Variants in MYO16 observed in about 807,000 individuals in gnomAD.
The protein encoded by MYO16 is myosin XVI.
In MYO16, 94 loss-of-function variants were observed where a neutral mutation model predicts 205.3. That is an observed-to-expected ratio of 0.46 (90% CI 0.39 to 0.54). MYO16 has a LOEUF of 0.54. Among genes scored for constraint, MYO16 ranks in the 20% least tolerant of loss-of-function variants. The probability of loss-of-function intolerance (pLI) is 0.00; values close to 1 mark genes in which losing one functional copy is unlikely to be tolerated. For synonymous variants in MYO16, 988 were observed against 954.0 expected (o/e 1.04, Z -0.66); for missense variants, 2,315 against 2,387.5 (o/e 0.97, Z 0.63).
At chr13:109,187,412 T>C (rs1879731222) in intron 34 of MYO16, among the ~76,000 whole-genome samples, 1 of 152,216 alleles carries the variant, frequency 6.6e-6, no homozygotes, top group Admixed American at 6.5e-5. Flanking sequence ...TTTGCTTGCT[T>C]TGGGCTTAAT....
intron 31 of MYO16, among the ~76,000 whole-genome samples, chr13:109,130,830 C>A (rs1876498920): frequency 6.6e-6 from 1 of 152,154 alleles, no homozygotes. Context: ...AATGCAGTAG[C>A]CACTAGGCAC....
chr13:108,894,204 A>G (rs138301387), intron 14 of MYO16, among the ~76,000 whole-genome samples: 40 of 152,216 alleles, frequency 2.6e-4, no homozygotes, highest in African/African-American at 9.6e-4. Flanking sequence ...AACTGCCCCC[A>G]TGACTCAATC....
At chr13:108,565,154 A>G in the MYO16 span, among the ~76,000 whole-genome samples, 3 of 152,118 alleles carry the variant, frequency 2.0e-5, no homozygotes, top group African/African-American at 7.2e-5. Flanking sequence ...AACTCCATAT[A>G]AGTTTTAGAA....
At chr13:108,737,200 A>G (rs1055404287) in intron 4 of MYO16, among the ~76,000 whole-genome samples, 8 of 152,192 alleles carry the variant, frequency 5.3e-5, no homozygotes, top group Non-Finnish European at 8.8e-5. Context: ...GAGAGAGGGC[A>G]TCCCTGTCTT....
chr13:108,892,260 T>A (rs1359747508), intron 14 of MYO16, among the ~76,000 whole-genome samples: 2 of 152,176 alleles, frequency 1.3e-5, no homozygotes, highest in Non-Finnish European at 2.9e-5. Context: ...AATAATTTTT[T>A]TTTTGAAATG....
At chr13:109,108,336 G>A (rs184491891) in intron 28 of MYO16, among the ~76,000 whole-genome samples, 2 of 152,178 alleles carry the variant, frequency 1.3e-5, no homozygotes, top group Non-Finnish European at 2.9e-5. Flanking sequence ...TCTGCAGTGC[G>A]TTTGGGTGAT....
intron 24 of MYO16, among the ~76,000 whole-genome samples, chr13:109,049,317 G>A (rs1443376102): frequency 6.6e-6 from 1 of 152,086 alleles, no homozygotes; most frequent in Non-Finnish European, 1.5e-5. Context: ...GGTTTTAAGA[G>A]GCAAATGGAT....
chr13:108,947,708 G>A (rs780939711), intron 16 of MYO16, among the ~76,000 whole-genome samples: 4 of 152,134 alleles, frequency 2.6e-5, no homozygotes, highest in Admixed American at 2.0e-4. Flanking sequence ...CCAACTAGAC[G>A]TTTCCAAGAA....
At chr13:108,986,456 C>G (rs1355593401) in intron 20 of MYO16, among the ~76,000 whole-genome samples, 1 of 151,594 alleles carries the variant, frequency 6.6e-6, no homozygotes, top group Non-Finnish European at 1.5e-5. Context: ...AACTCTGTCT[C>G]TACTAAAAAA....
chr13:108,618,689 C>T (rs540184440), intron 1 of MYO16, among the ~76,000 whole-genome samples: 1 of 152,286 alleles, frequency 6.6e-6, no homozygotes, highest in East Asian at 1.9e-4. Flanking sequence ...AGTAGCCTGT[C>T]AGTCAATAGT....
chr13:109,034,303 A>G (rs1886642968), intron 23 of MYO16, among the ~76,000 whole-genome samples: 1 of 152,204 alleles, frequency 6.6e-6, no homozygotes, highest in Non-Finnish European at 1.5e-5. Context: ...TTGAATTGTA[A>G]TCTCCATAAT....
chr13:109,149,516 C>T (rs1302202886), intron 32 of MYO16, among the ~76,000 whole-genome samples: 1 of 152,166 alleles, frequency 6.6e-6, no homozygotes, highest in African/African-American at 2.4e-5. Context: ...TTCTATTATG[C>T]CCTTCATAGT....
chr13:108,898,540 G>A (rs1056950496), intron 15 of MYO16, among the ~76,000 whole-genome samples: 4 of 151,978 alleles, frequency 2.6e-5, no homozygotes, highest in Non-Finnish European at 5.9e-5. Flanking sequence ...AATTATCCTT[G>A]CTGAACATAG....
intron 8 of MYO16, 41 bp from the exon 9 acceptor site, chr13:108,823,084 C>A (rs747605457): frequency 4.5e-6 from 7 of 1,543,656 alleles, no homozygotes. Context: ...GTGCTATCAC[C>A]ACCCATCATT....
chr13:108,656,576 T>C (rs1456058352), intron 1 of MYO16, among the ~76,000 whole-genome samples: 1 of 152,098 alleles, frequency 6.6e-6, no homozygotes, highest in Non-Finnish European at 1.5e-5. Context: ...ATTGAAAATA[T>C]AAGGAGAAGT....
chr13:109,130,700 G>A lies in MYO16; in HGVS notation c.4051+3150G>A, dbSNP rs149505738. On this transcript the variant is annotated intron_variant, in intron 31 of 34. Transcript: ENST00000457511. ...GTCAGACAGGGTTCTGGTCCCTTCT[G>A]TGCCATTATGTCAGGAGCTGAAGGT... is the stretch of plus-strand genomic sequence containing the variant. Among the ~76,000 whole-genome samples, 359 of 152,266 alleles carry A rather than the reference G, an allele frequency of 2.4e-3. 1 individual carries two copies. Among genetic ancestry groups the A allele is most frequent in the Non-Finnish European group, 4.0e-3 (270 of 68,018 alleles).
At chr13:109,142,213 A>T (rs767876774) in intron 32 of MYO16, among the ~76,000 whole-genome samples, 1 of 152,228 alleles carries the variant, frequency 6.6e-6, no homozygotes, top group Non-Finnish European at 1.5e-5. Flanking sequence ...TTTTGCACAG[A>T]TTCCTTTAAT....
chr13:109,151,212 C>T (rs1877643852), intron 32 of MYO16, among the ~76,000 whole-genome samples: 1 of 152,128 alleles, frequency 6.6e-6, no homozygotes, highest in African/African-American at 2.4e-5. Context: ...TCACTTCACC[C>T]AGTGCTTCAT....
intron 22 of MYO16, among the ~76,000 whole-genome samples, chr13:109,018,691 G>C (rs1885916740): frequency 6.6e-6 from 1 of 152,188 alleles, no homozygotes. Context: ...CAATATTTGG[G>C]CGGGAGTACC....
Sources: gnomAD v4.1 joint callset for allele counts (sites outside exome capture counted in the v4.1 genomes callset) on GRCh38, gnomAD v4.1.1 for gene constraint, MANE v1.5 for transcripts, NCBI Gene and HGNC (gene_info 2026-07-23, HGNC 2026-07-21) for gene names.